DSCAM: variants seen among roughly 807,000 people sequenced by gnomAD.
DSCAM encodes cell adhesion molecule DSCAM.
DSCAM carries 47 observed loss-of-function variants against 217.7 expected under a neutral mutation model. The observed-to-expected ratio is 0.22, with a 90% CI of 0.17 to 0.28. The LOEUF (loss-of-function observed/expected upper bound fraction) is 0.28, where lower values mean the gene tolerates loss of function less well. DSCAM is among the 10% of genes least tolerant of loss of function. The pLI is 1.00. For missense variants in DSCAM, 2,080 were observed against 2,618.3 expected, an observed-to-expected ratio of 0.79 and a Z score of 4.49; for synonymous variants, 1,056 against 1,015.3, an observed-to-expected ratio of 1.04 and a Z score of -0.76.
chr21:40,475,577 A>T (rs1291203579), intron 3 of DSCAM, among the ~76,000 whole-genome samples: 3 of 152,216 alleles, frequency 2.0e-5, no homozygotes, highest in Non-Finnish European at 4.4e-5. Flanking sequence ...GGCCGGGCGC[A>T]GTGGCTGCAC....
chr21:40,501,270 A>C (rs2076168382), intron 3 of DSCAM, among the ~76,000 whole-genome samples: 1 of 152,110 alleles, frequency 6.6e-6, no homozygotes, highest in Non-Finnish European at 1.5e-5. Context: ...TGACAACCTC[A>C]CCTCTTTGTA....
intron 3 of DSCAM, among the ~76,000 whole-genome samples, chr21:40,513,544 C>T (rs1222932029): frequency 2.6e-5 from 4 of 152,104 alleles, no homozygotes; most frequent in Admixed American, 2.6e-4. Context: ...AGGTGGGTCA[C>T]CCAACCAGAG....
At chr21:40,793,722 C>T (rs2091667229) in intron 1 of DSCAM, among the ~76,000 whole-genome samples, 1 of 152,248 alleles carries the variant, frequency 6.6e-6, no homozygotes, top group South Asian at 2.1e-4. Context: ...ATCTCCTGAC[C>T]TCAGGTGATT....
At chr21:40,607,364 C>T (rs1173238730) in intron 3 of DSCAM, among the ~76,000 whole-genome samples, 1 of 150,182 alleles carries the variant, frequency 6.7e-6, no homozygotes, top group Non-Finnish European at 1.5e-5. Flanking sequence ...TTATTTGGAT[C>T]CAAATTTCAT....
chr21:40,099,750 G>T (rs1169367247), intron 20 of DSCAM, among the ~76,000 whole-genome samples: 1 of 152,196 alleles, frequency 6.6e-6, no homozygotes, highest in East Asian at 1.9e-4. Flanking sequence ...GGACTTGCTG[G>T]TTCTCATGTT....
chr21:40,014,220 C>T (rs1439955518), intron 32 of DSCAM, among the ~76,000 whole-genome samples: 1 of 152,070 alleles, frequency 6.6e-6, no homozygotes, highest in East Asian at 1.9e-4. Flanking sequence ...GCAAAACCCC[C>T]TCTCTACTAA....
chr21:40,022,731 G>C (rs1470690640), intron 32 of DSCAM, among the ~76,000 whole-genome samples: 2 of 151,802 alleles, frequency 1.3e-5, no homozygotes, highest in Admixed American at 6.6e-5. Context: ...TGACCCTTTT[G>C]AGCCTTGGTG....
chr21:40,063,538 T>C (rs2089156936), intron 27 of DSCAM, among the ~76,000 whole-genome samples: 1 of 152,230 alleles, frequency 6.6e-6, no homozygotes, highest in South Asian at 2.1e-4. Flanking sequence ...CCCGTTTCCT[T>C]TAAAATATAA....
chr21:40,114,397 T>C (rs1356773390), intron 20 of DSCAM, among the ~76,000 whole-genome samples: 1 of 151,334 alleles, frequency 6.6e-6, no homozygotes, highest in Non-Finnish European at 1.5e-5. Context: ...CCTTACACCT[T>C]ATACAAAAAT....
intron 3 of DSCAM, among the ~76,000 whole-genome samples, chr21:40,386,767 A>G (rs369033885): frequency 9.8e-5 from 15 of 152,306 alleles, no homozygotes; most frequent in Middle Eastern, 3.4e-3. Context: ...TCTCCACTTA[A>G]AAGTGGAAAC....
intron 3 of DSCAM, among the ~76,000 whole-genome samples, chr21:40,604,297 G>A (rs1484097133): frequency 6.6e-6 from 1 of 151,988 alleles, no homozygotes; most frequent in Non-Finnish European, 1.5e-5. Flanking sequence ...CTTCCTTAGA[G>A]TTTCCATTTC....
chr21:40,473,827 G>A (rs1026651742), intron 3 of DSCAM, among the ~76,000 whole-genome samples: 1 of 152,134 alleles, frequency 6.6e-6, no homozygotes, highest in Admixed American at 6.5e-5. Flanking sequence ...ACCACGTTAG[G>A]ACACAGAGAG....
rs771260393 is a variant in DSCAM, at chr21:40,123,484, T to C, written c.3696+711A>G. Among the ~76,000 whole-genome samples, 15 of 152,222 alleles carry C rather than the reference T, an allele frequency of 9.9e-5. 1 individual carries two copies. The highest frequency in any genetic ancestry group is 1.6e-4 in the Non-Finnish European group (11 of 68,042). On this transcript the variant is annotated intron_variant, in intron 20 of 32. Coordinates refer to ENST00000400454, the MANE Select transcript of DSCAM (RefSeq NM_001389.5). ...CATCGTCAATTTTGGTGGGTCATTT[T>C]AATGTTTTCTTTTCTTTAAAATTTC...
At chr21:40,201,377 CT>C (rs5844005) in intron 11 of DSCAM, among the ~76,000 whole-genome samples, 61,721 of 149,826 alleles carry the variant, frequency 0.41, 12,689 homozygotes, top group South Asian at 0.44. Flanking sequence ...CCATTTCTTT[CT>C]TTTTTTTTTT....
chr21:40,456,877 C>G (rs1020788418), intron 3 of DSCAM, among the ~76,000 whole-genome samples: 2 of 151,966 alleles, frequency 1.3e-5, no homozygotes, highest in South Asian at 4.2e-4. Context: ...AATCACAAAA[C>G]CATAGCAAAG....
intron 11 of DSCAM, among the ~76,000 whole-genome samples, chr21:40,221,609 C>T (rs549513928): frequency 1.5e-4 from 23 of 151,964 alleles, no homozygotes; most frequent in Non-Finnish European, 3.2e-4. Context: ...GAGATCAGAG[C>T]TATTTTCAGA....
At chr21:40,433,930 T>G (rs1012536681) in intron 3 of DSCAM, among the ~76,000 whole-genome samples, 1 of 152,182 alleles carries the variant, frequency 6.6e-6, no homozygotes, top group Non-Finnish European at 1.5e-5. Context: ...TCATCTGAAG[T>G]GGATAATATC....
intron 3 of DSCAM, among the ~76,000 whole-genome samples, chr21:40,637,356 AAT>A (rs1319998658): frequency 1.2e-4 from 3 of 24,876 alleles, no homozygotes; most frequent in African/African-American, 1.9e-4. Flanking sequence ...TATAAATATA[AAT>A]ATATATATAA....
intron 11 of DSCAM, among the ~76,000 whole-genome samples, chr21:40,234,302 C>A (rs1411051812): frequency 6.6e-6 from 1 of 152,174 alleles, no homozygotes; most frequent in African/African-American, 2.4e-5. Context: ...AACAGTTCTG[C>A]AACTTTGGAC....
Sources: gnomAD v4.1 joint callset for allele counts (sites outside exome capture counted in the v4.1 genomes callset) on GRCh38, gnomAD v4.1.1 for gene constraint, MANE v1.5 for transcripts, NCBI Gene and HGNC (gene_info 2026-07-23, HGNC 2026-07-21) for gene names.